ABHD18: variants seen among roughly 807,000 people sequenced by gnomAD.
ABHD18 encodes the protein abhydrolase domain containing 18.
Under a neutral mutation model 65.9 loss-of-function variants are expected in ABHD18, and 55 were observed. That is an observed-to-expected ratio of 0.84 (90% CI 0.67 to 1.05). The LOEUF (loss-of-function observed/expected upper bound fraction) is 1.05. Ranked by LOEUF, ABHD18 falls within the 50% of genes least tolerant of loss-of-function variation. ABHD18 has a pLI of 0.00. For synonymous variants in ABHD18, 181 were observed against 180.2 expected (o/e 1.00, Z -0.04); for missense variants, 533 against 558.5 (o/e 0.95, Z 0.46).
chr4:128,031,678 T>C (rs1375364393), intron 12 of ABHD18, among the ~76,000 whole-genome samples: 1 of 152,234 alleles, frequency 6.6e-6, no homozygotes, highest in Non-Finnish European at 1.5e-5. Context: ...GTTTTAGCTC[T>C]TGTTAACGGA....
intron 3 of ABHD18, among the ~76,000 whole-genome samples, chr4:127,988,974 C>T (rs940569424): frequency 2.6e-5 from 4 of 152,190 alleles, no homozygotes; most frequent in South Asian, 2.1e-4. Flanking sequence ...TATCGGCACT[C>T]CCATATTTAT....
At chr4:128,004,835 C>T (rs570543957) in intron 4 of ABHD18, among the ~76,000 whole-genome samples, 6 of 150,800 alleles carry the variant, frequency 4.0e-5, no homozygotes, top group Admixed American at 6.6e-5. Context: ...CACTTGAGCC[C>T]GGAGGTGGAG....
chr4:128,035,722 T>A (rs559122558), intron 12 of ABHD18, 40 bp from the exon 13 acceptor site: 2 of 1,248,074 alleles, frequency 1.6e-6, no homozygotes, highest in South Asian at 2.8e-5. Context: ...CCCCCCTTTT[T>A]GTTAGTTACT....
At chr4:127,974,426 A>G (rs1240006268) in intron 1 of ABHD18, among the ~76,000 whole-genome samples, 1 of 151,906 alleles carries the variant, frequency 6.6e-6, no homozygotes, top group Non-Finnish European at 1.5e-5. Flanking sequence ...CCTGGAGTGC[A>G]GTAGCCATGA....
intron 12 of ABHD18, chr4:128,031,158 A>G (rs1758149349): frequency 1.0e-6 from 1 of 985,364 alleles, no homozygotes; most frequent in Non-Finnish European, 1.2e-6. Flanking sequence ...TAGAACTTAT[A>G]AAAACTTTTA....
chr4:128,027,058 C>T (rs983972277), intron 10 of ABHD18, among the ~76,000 whole-genome samples: 4 of 152,134 alleles, frequency 2.6e-5, no homozygotes, highest in Non-Finnish European at 2.9e-5. Context: ...GCAGGGATTA[C>T]AAGCATGAGC....
At chr4:128,011,726 G>A (rs200976600) in intron 7 of ABHD18, 26 bp downstream of exon 7, 1 of 1,503,024 alleles carries the variant, frequency 6.7e-7, no homozygotes. Flanking sequence ...TTTCATTTTT[G>A]CAGTCTTTTT....
At chr4:127,970,011 A>C (rs536693248) in intron 1 of ABHD18, among the ~76,000 whole-genome samples, 57 of 151,962 alleles carry the variant, frequency 3.8e-4, no homozygotes, top group African/African-American at 1.2e-3. Flanking sequence ...GGCCTCCCAA[A>C]GTGCTAGGAT....
chr4:128,035,134 A>G (rs1758737187), intron 12 of ABHD18, among the ~76,000 whole-genome samples: 1 of 152,230 alleles, frequency 6.6e-6, no homozygotes, highest in Admixed American at 6.5e-5. Flanking sequence ...CGAAGCGATA[A>G]GACAATAAAT....
At chr4:128,010,825 G>A (rs1038452426) in intron 6 of ABHD18, among the ~76,000 whole-genome samples, 4 of 147,834 alleles carry the variant, frequency 2.7e-5, no homozygotes, top group Admixed American at 6.9e-5. Context: ...TGAGGCAGGA[G>A]AATCCCTTGA....
rs1744987992 is a variant in ABHD18, at chr4:127,965,514, T to G, written c.-110T>G. 2.9e-6 allele frequency: 1 copy of G among 349,984 alleles called. No homozygotes were observed. The highest frequency in any genetic ancestry group is 2.1e-5 in the African/African-American group (1 of 47,690). The allele number at this position is 349,984 out of a possible 1,614,324, so 21.7% of individuals were successfully genotyped here. A position where few individuals can be genotyped will look rare whatever the true frequency, so the allele number is the denominator to read the frequency against. ...AGGTTACCGGAGCTGCGATTGGGGC[T>G]GGGACCAAAGTTGAGTCCTGGAAAG... On this transcript the variant is annotated 5_prime_UTR_variant, in exon 1 of 13. Transcript: ENST00000645843.
chr4:128,011,890 G>A (rs1754644595), intron 7 of ABHD18, among the ~76,000 whole-genome samples, 190 bp downstream of exon 7: 1 of 151,562 alleles, frequency 6.6e-6, no homozygotes, highest in Admixed American at 6.6e-5. Context: ...GCATTTTAAT[G>A]TCTGTTAAGG....
intron 4 of ABHD18, among the ~76,000 whole-genome samples, chr4:127,990,059 C>T (rs757180337): frequency 2.0e-5 from 3 of 151,956 alleles, no homozygotes; most frequent in Non-Finnish European, 4.4e-5. Context: ...CAACAATAGG[C>T]GATTAATTAT....
chr4:127,972,964 A>G (rs1023636404), intron 1 of ABHD18, among the ~76,000 whole-genome samples: 17 of 152,102 alleles, frequency 1.1e-4, no homozygotes, highest in Non-Finnish European at 1.6e-4. Context: ...ATGAAAATAT[A>G]TAAACATGAT....
intron 11 of ABHD18, among the ~76,000 whole-genome samples, chr4:128,029,189 C>CA (rs879330225): frequency 1.0e-3 from 145 of 141,608 alleles, no homozygotes; most frequent in East Asian, 1.4e-3. Context: ...CTGTCTCTAC[C>CA]AAAAAAAAAA....
At chr4:128,031,075 G>A in intron 12 of ABHD18, 1 of 992,354 alleles carries the variant, frequency 1.0e-6, no homozygotes, top group Non-Finnish European at 1.2e-6. Flanking sequence ...TTTTCAGTTA[G>A]CAAGTGAATA....
chr4:127,998,505 C>G (rs572347744), intron 4 of ABHD18, among the ~76,000 whole-genome samples: 6 of 151,142 alleles, frequency 4.0e-5, no homozygotes, highest in African/African-American at 1.5e-4. Context: ...TCCCAAAGTG[C>G]TGGGATTACG....
At chr4:127,982,344 A>C (rs1749204954) in intron 1 of ABHD18, among the ~76,000 whole-genome samples, 1 of 152,196 alleles carries the variant, frequency 6.6e-6, no homozygotes, top group African/African-American at 2.4e-5. Context: ...AAGATAGATA[A>C]ATGGTATAAA....
At position 128,037,881 on chromosome 4, in the gene ABHD18, G is replaced by A. The variant is rs1038474518; in HGVS notation, c.*2068G>A. 2 of 149,034 alleles carry A rather than the reference G, an allele frequency of 1.3e-5. No individual in the cohort carries two copies. Among genetic ancestry groups the A allele is most frequent in the East Asian group, 4.6e-4 (2 of 4,302 alleles). 9.2% of individuals were successfully genotyped at this position (149,034 alleles called of 1,614,324 possible). On this transcript the variant is annotated 3_prime_UTR_variant, in exon 13 of 13. Coordinates refer to ENST00000645843, the MANE Select transcript of ABHD18 (RefSeq NM_001358451.3). ...GCTCGATTTGGTGCTTTCTTTTTAT[G>A]TTAAACTTCTCTAGCTGTCAGCTAA...
Sources: allele counts gnomAD v4.1 joint callset (sites outside exome capture counted in the v4.1 genomes callset), GRCh38; gene constraint gnomAD v4.1.1; transcripts MANE v1.5; gene names NCBI Gene and HGNC (gene_info 2026-07-23, HGNC 2026-07-21).